AHI1: variants seen among roughly 807,000 people sequenced by gnomAD.
The protein encoded by AHI1 is jouberin.
AHI1 carries 123 observed loss-of-function variants against 149.3 expected under a neutral mutation model. That is an observed-to-expected ratio of 0.82 (90% CI 0.71 to 0.96). The LOEUF (loss-of-function observed/expected upper bound fraction) is 0.96, where lower values mean the gene tolerates loss of function less well. Among genes scored for constraint, AHI1 ranks in the 40% least tolerant of loss-of-function variants. AHI1 has a pLI of 0.00. For missense variants in AHI1, 1,439 were observed against 1,422.7 expected (o/e 1.01, Z -0.18); for synonymous variants, 475 against 459.8 (o/e 1.03, Z -0.42).
intron 24 of AHI1, among the ~76,000 whole-genome samples, chr6:135,324,551 C>CATATATATATATATATATATATAT (rs3071751): frequency 2.1e-5 from 3 of 144,812 alleles, no homozygotes; most frequent in African/African-American, 7.6e-5. Context: ...GTTATATATA[C>CATATATATATATATATATATATAT]ATATATATAT....
intron 5 of AHI1, among the ~76,000 whole-genome samples, chr6:135,471,221 T>G (rs1791638276): frequency 6.6e-6 from 1 of 152,182 alleles, no homozygotes; most frequent in Non-Finnish European, 1.5e-5. Flanking sequence ...CAGAAAAGGC[T>G]GTTTTTTGTT....
At position 135,447,035 on chromosome 6, in the gene AHI1, T is replaced by A. The variant is rs1325372921; in HGVS notation, c.1752A>T (p.Val584=). ...GCCCAGGGAGTCGTTTCCACTTTAT[T>A]ACTTCCTTTGACTCTTCTAATCCAG... ...TEPGLEESKE[V]IKWKRLPGQA... The change falls in exon 13 of 29, where the codon GTA becomes GTT. Residue 584 remains valine, a synonymous_variant. Coordinates refer to ENST00000265602, the MANE Select transcript of AHI1 (RefSeq NM_001134831.2). The A allele has an allele frequency of 6.2e-7, 1 of 1,612,534 alleles. No individual in the cohort carries two copies. Among genetic ancestry groups the A allele is most frequent in the African/African-American group, 1.3e-5 (1 of 74,878 alleles).
chr6:135,440,845 G>A (rs1424166173), intron 14 of AHI1, among the ~76,000 whole-genome samples: 1 of 152,114 alleles, frequency 6.6e-6, no homozygotes, highest in Non-Finnish European at 1.5e-5. Context: ...TGGGCGTGAG[G>A]GGAGAAAGGA....
rs569664459 is a variant in AHI1, at chr6:135,456,057, T to C, written c.1152-131A>G. On this transcript the variant is annotated intron_variant, in intron 9 of 28. Transcript: ENST00000265602. ...AATAATACAAAAGGAAAAATTATTCTGAGTGTCCATCTAGAAACTTACAAA... is the reference window on the plus strand; with the variant it reads ...AATAATACAAAAGGAAAAATTATTCCGAGTGTCCATCTAGAAACTTACAAA... 2.6e-5 allele frequency: 14 copies of C among 532,716 alleles called. No individual in the cohort carries two copies. In the South Asian group the frequency reaches 1.1e-3, roughly 41 times the overall value. 33.0% of individuals were successfully genotyped at this position (532,716 alleles called of 1,614,324 possible).
chr6:135,429,894 A>G lies in AHI1; in HGVS notation c.2480T>C (p.Met827Thr). 1.3e-6 allele frequency: 2 copies of G among 1,558,368 alleles called. No individual in the cohort carries two copies. The highest frequency in any genetic ancestry group is 1.3e-5 in the African/African-American group (1 of 74,106). The change falls in exon 18 of 29, where the codon ATG (methionine) becomes ACG (threonine). Residue 827 changes from methionine (M) to threonine (T), a missense_variant. Transcript: ENST00000265602. ...IHTKDSTLRI[M>T]DLRILVARKF... ...GAAATATACTTACATCCGGAGATCC[A>G]TAATTCTCAAAGTACTGTCTTTGGT...
intron 22 of AHI1, among the ~76,000 whole-genome samples, chr6:135,402,894 T>C (rs1461209597): frequency 6.6e-6 from 1 of 151,846 alleles, no homozygotes; most frequent in Non-Finnish European, 1.5e-5. Flanking sequence ...TGAGTACTTA[T>C]TTTTTTGGGG....
At chr6:135,301,520 T>C (rs1199611750) in intron 26 of AHI1, 8 of 985,472 alleles carry the variant, frequency 8.1e-6, no homozygotes, top group Non-Finnish European at 9.6e-6. Context: ...AGATCATTCT[T>C]CAGCAAGATT....
chr6:135,301,278 G>T (rs1462045476), intron 26 of AHI1: 19 of 981,340 alleles, frequency 1.9e-5, no homozygotes, highest in African/African-American at 1.6e-4. Context: ...CACTCACAAA[G>T]AAAATATAAA....
At chr6:135,473,821 TTG>T (rs1792151226) in intron 5 of AHI1, among the ~76,000 whole-genome samples, 3 of 152,196 alleles carry the variant, frequency 2.0e-5, no homozygotes, top group African/African-American at 7.2e-5. Context: ...TTTTTACACA[TTG>T]ACCATATATT....
intron 24 of AHI1, among the ~76,000 whole-genome samples, chr6:135,344,926 T>A (rs1582716049): frequency 6.9e-6 from 1 of 145,704 alleles, no homozygotes; most frequent in Non-Finnish European, 1.5e-5. Flanking sequence ...AAGCTCTGAT[T>A]CACACACACA....
intron 28 of AHI1, among the ~76,000 whole-genome samples, chr6:135,289,017 ATTGTT>A (rs2128338636): frequency 6.6e-6 from 1 of 152,046 alleles, no homozygotes; most frequent in East Asian, 1.9e-4. Context: ...ATCTCATTTT[ATTGTT>A]TTAATTTTCA....
Position 135,302,067 on chromosome 6 carries a change from C to T in AHI1, c.3427-1509G>A, listed in dbSNP as rs972583573. The T allele has an allele frequency of 1.5e-5, 15 of 968,510 alleles. No individual in the cohort carries two copies. In the African/African-American group the frequency reaches 2.1e-4, roughly 14 times the overall value. 60.0% of individuals were successfully genotyped at this position (968,510 alleles called of 1,614,324 possible). ...AGTACAGTGGCATGATCGTAGCTCA[C>T]TGCAGCCTTGAACTCCTGGGCTCAA... is the stretch of plus-strand genomic sequence containing the variant. On this transcript the variant is annotated intron_variant, in intron 26 of 28. Coordinates refer to ENST00000265602, the MANE Select transcript of AHI1 (RefSeq NM_001134831.2).
chr6:135,445,190 T>C (rs528882289), intron 13 of AHI1, among the ~76,000 whole-genome samples: 3 of 152,214 alleles, frequency 2.0e-5, no homozygotes, highest in African/African-American at 4.8e-5. Context: ...ATATAAAATA[T>C]AGAAAATGAA....
At chr6:135,317,390 A>G (rs1024826211) in intron 26 of AHI1, among the ~76,000 whole-genome samples, 10 of 150,744 alleles carry the variant, frequency 6.6e-5, no homozygotes, top group Non-Finnish European at 1.5e-5. Flanking sequence ...ATACCATCCC[A>G]TAACTTACTC....
intron 8 of AHI1, among the ~76,000 whole-genome samples, chr6:135,460,244 G>A (rs980441863): frequency 1.3e-5 from 2 of 152,070 alleles, no homozygotes; most frequent in African/African-American, 2.4e-5. Context: ...TGGACACAAT[G>A]TTAAAAAATT....
chr6:135,334,578 A>G (rs1377376720), intron 24 of AHI1, among the ~76,000 whole-genome samples: 2 of 152,278 alleles, frequency 1.3e-5, no homozygotes, highest in African/African-American at 4.8e-5. Flanking sequence ...CACAATTCAC[A>G]TACTTTATTA....
intron 5 of AHI1, among the ~76,000 whole-genome samples, chr6:135,471,839 C>G (rs1357793850): frequency 1.3e-5 from 2 of 150,836 alleles, no homozygotes; most frequent in Non-Finnish European, 3.0e-5. Context: ...GGTGAAACCC[C>G]GTCTCTACTA....
chr6:135,448,951 C>T (rs17053652), intron 11 of AHI1, among the ~76,000 whole-genome samples: 1,808 of 152,126 alleles, frequency 0.012, 43 homozygotes, highest in African/African-American at 0.041. Flanking sequence ...TCAAGCCATT[C>T]GTTACATTTT....
intron 23 of AHI1, among the ~76,000 whole-genome samples, chr6:135,367,807 CCTT>C (rs1774410952): frequency 6.6e-6 from 1 of 152,066 alleles, no homozygotes; most frequent in Non-Finnish European, 1.5e-5. Flanking sequence ...TCTGGTGCCT[CCTT>C]GAGTAGCTAA....
Sources: gnomAD v4.1 joint callset for allele counts (sites outside exome capture counted in the v4.1 genomes callset) on GRCh38, gnomAD v4.1.1 for gene constraint, MANE v1.5 for transcripts, NCBI Gene and HGNC (gene_info 2026-07-23, HGNC 2026-07-21) for gene names.